Variants in STRN observed in about 807,000 individuals in gnomAD.
The protein encoded by STRN is protein phosphatase 2 regulatory subunit B'''alpha.
STRN carries 53 observed loss-of-function variants against 96.3 expected under a neutral mutation model. The ratio of observed to expected loss-of-function variants is 0.55; its 90% CI spans 0.44 to 0.69. The LOEUF (loss-of-function observed/expected upper bound fraction) is 0.69, where lower values mean the gene tolerates loss of function less well. Ranked by LOEUF, STRN falls within the 30% of genes least tolerant of loss-of-function variation. STRN has a pLI of 0.00. For synonymous variants in STRN, 428 were observed against 355.9 expected (o/e 1.20, Z -2.28); for missense variants, 987 against 963.9 (o/e 1.02, Z -0.32).
At chr2:36,953,602 C>T (rs1274538734) in intron 1 of STRN, among the ~76,000 whole-genome samples, 2 of 152,074 alleles carry the variant, frequency 1.3e-5, no homozygotes, top group East Asian at 3.9e-4. Context: ...CAGGGTTTCA[C>T]CATGTTAGCC....
intron 7 of STRN, among the ~76,000 whole-genome samples, chr2:36,890,208 T>C (rs559644810): frequency 6.6e-5 from 10 of 152,314 alleles, no homozygotes; most frequent in African/African-American, 2.2e-4. Context: ...AATAAAGGCC[T>C]GTTTCACTTT....
intron 3 of STRN, 97 bp from the exon 4 acceptor site, chr2:36,905,715 G>A (rs1669802465): frequency 3.7e-6 from 4 of 1,083,154 alleles, no homozygotes; most frequent in African/African-American, 1.6e-5. Flanking sequence ...ATAAGATTAA[G>A]AATATGTAAA....
At chr2:36,943,796 T>C (rs868579352) in intron 1 of STRN, among the ~76,000 whole-genome samples, 1 of 149,430 alleles carries the variant, frequency 6.7e-6, no homozygotes, top group Non-Finnish European at 1.5e-5. Flanking sequence ...AGAACGAGAC[T>C]CTGTCTCAAA....
rs151317727 is a variant in STRN, at chr2:36,935,149, C to T, written c.235-9941G>A. 2.0e-3 allele frequency among the ~76,000 whole-genome samples: 300 copies of T among 152,290 alleles called. 5 individuals carry two copies. Among genetic ancestry groups the T allele is most frequent in the African/African-American group, 6.9e-3 (288 of 41,574 alleles). Reference sequence around the variant, plus strand: ...GTAGACAGTTAGTCTTCAGATACTACACCTGAACATTCCCAGCTCCATGCC... The same window carrying T: ...GTAGACAGTTAGTCTTCAGATACTATACCTGAACATTCCCAGCTCCATGCC... On this transcript the variant is annotated intron_variant, in intron 1 of 17. Transcript: ENST00000263918.
chr2:36,862,005 ATAAG>A (rs1668499304), intron 12 of STRN, among the ~76,000 whole-genome samples: 1 of 152,232 alleles, frequency 6.6e-6, no homozygotes, highest in African/African-American at 2.4e-5. Context: ...GTTCTCACTT[ATAAG>A]TGAGAACATG....
At chr2:36,871,757 A>G (rs1319908817) in intron 10 of STRN, among the ~76,000 whole-genome samples, 1 of 152,202 alleles carries the variant, frequency 6.6e-6, no homozygotes, top group Non-Finnish European at 1.5e-5. Context: ...TACTTTACAG[A>G]CTAGACACAT....
At chr2:36,876,809 G>A (rs1303980871) in intron 10 of STRN, among the ~76,000 whole-genome samples, 1 of 151,156 alleles carries the variant, frequency 6.6e-6, no homozygotes, top group Non-Finnish European at 1.5e-5. Context: ...GTACAGTGGC[G>A]AGATCTTGGC....
intron 1 of STRN, among the ~76,000 whole-genome samples, chr2:36,963,565 A>G (rs755534674): frequency 5.9e-5 from 9 of 152,130 alleles, no homozygotes; most frequent in Non-Finnish European, 1.2e-4. Context: ...TCTTCCCCCC[A>G]AAATATATCA....
At chr2:36,873,273 T>C (rs988752906) in intron 10 of STRN, among the ~76,000 whole-genome samples, 13 of 152,222 alleles carry the variant, frequency 8.5e-5, no homozygotes, top group African/African-American at 3.1e-4. Context: ...CAGACAACTT[T>C]TCAAATAACA....
At chr2:36,906,444 G>A (rs1489753478) in intron 3 of STRN, among the ~76,000 whole-genome samples, 1 of 143,504 alleles carries the variant, frequency 7.0e-6, no homozygotes, top group Non-Finnish European at 1.6e-5. Flanking sequence ...AGGCAACAGA[G>A]GGAGGCTCTG....
chr2:36,879,839 G>C (rs115077126), intron 9 of STRN, among the ~76,000 whole-genome samples: 1,825 of 152,240 alleles, frequency 0.012, 32 homozygotes, highest in African/African-American at 0.041. Flanking sequence ...TTGAATAAAT[G>C]AAAGAATTGG....
chr2:36,862,238 T>C (rs1249274768), intron 12 of STRN, among the ~76,000 whole-genome samples: 1 of 152,204 alleles, frequency 6.6e-6, no homozygotes, highest in Non-Finnish European at 1.5e-5. Flanking sequence ...CATGTGTCTT[T>C]ATAGCAGAAT....
At chr2:36,851,335 T>C (rs1668217197) in intron 15 of STRN, among the ~76,000 whole-genome samples, 1 of 151,788 alleles carries the variant, frequency 6.6e-6, no homozygotes. Context: ...ATACAAAAAT[T>C]AGCCGAGTGT....
intron 4 of STRN, 58 bp from the exon 5 acceptor site, chr2:36,902,809 A>C (rs888363665): frequency 2.2e-6 from 3 of 1,385,218 alleles, no homozygotes. Context: ...CTATAATTTA[A>C]TATGTAAATA....
At chr2:36,862,018 T>C (rs1180321484) in intron 12 of STRN, among the ~76,000 whole-genome samples, 2 of 152,156 alleles carry the variant, frequency 1.3e-5, no homozygotes, top group East Asian at 3.9e-4. Flanking sequence ...AGTGAGAACA[T>C]GCAGTATTTG....
intron 10 of STRN, among the ~76,000 whole-genome samples, chr2:36,870,970 T>C (rs903847523): frequency 6.6e-6 from 1 of 151,944 alleles, no homozygotes; most frequent in African/African-American, 2.4e-5. Flanking sequence ...AACAAAAAAG[T>C]TAAAAAGTAA....
At chr2:36,913,306 ATCTACATCTG>A (rs1157892132) in intron 3 of STRN, among the ~76,000 whole-genome samples, 1 of 152,128 alleles carries the variant, frequency 6.6e-6, no homozygotes, top group Non-Finnish European at 1.5e-5. Context: ...CTAACTCTCT[ATCTACATCTG>A]GAAACATTCC....
At chr2:36,864,002 A>C (rs1668560075) in intron 12 of STRN, among the ~76,000 whole-genome samples, 1 of 152,184 alleles carries the variant, frequency 6.6e-6, no homozygotes, top group African/African-American at 2.4e-5. Context: ...TCATACATTG[A>C]TTTTATATCC....
intron 8 of STRN, among the ~76,000 whole-genome samples, chr2:36,885,655 T>C (rs1424368367): frequency 2.6e-5 from 4 of 152,174 alleles, no homozygotes; most frequent in Non-Finnish European, 4.4e-5. Flanking sequence ...TTCTAAAATA[T>C]TTTAAATAAA....
Sources: allele counts gnomAD v4.1 joint callset (sites outside exome capture counted in the v4.1 genomes callset), GRCh38; gene constraint gnomAD v4.1.1; transcripts MANE v1.5; gene names NCBI Gene and HGNC (gene_info 2026-07-23, HGNC 2026-07-21).